CSMD1: variants seen among roughly 807,000 people sequenced by gnomAD.
CSMD1 encodes the protein CUB and Sushi multiple domains 1, also known as CUB and sushi domain-containing protein 1.
In CSMD1, 213 loss-of-function variants were observed where a neutral mutation model predicts 417.5. The ratio of observed to expected loss-of-function variants is 0.51; its 90% CI spans 0.46 to 0.57. The LOEUF (loss-of-function observed/expected upper bound fraction) is 0.57. CSMD1 is among the 20% of genes least tolerant of loss of function. The pLI, the probability that CSMD1 is intolerant of heterozygous loss-of-function variation, is 0.00. For synonymous variants in CSMD1, 2,862 were observed against 1,736.8 expected, an observed-to-expected ratio of 1.65 and a Z score of -16.11; for missense variants, 6,923 against 4,529.7, an observed-to-expected ratio of 1.53 and a Z score of -15.17.
At position 4,751,457 on chromosome 8, in the gene CSMD1, A is replaced by G. The variant is rs59807395; in HGVS notation, c.86-113899T>C. ...ATTAATTTGATTTCCTCAGTAGTTC[A>G]TTACCCTAAATAGCATAAAAAGTGT... On this transcript the variant is annotated intron_variant, in intron 1 of 69. Coordinates refer to ENST00000635120, the MANE Select transcript of CSMD1 (RefSeq NM_033225.6). Among the ~76,000 whole-genome samples the G allele has an allele frequency of 7.0e-3, 1,064 of 152,212 alleles. 12 individuals carry two copies. The highest frequency in any genetic ancestry group is 0.025 in the African/African-American group (1,031 of 41,548).
At chr8:3,291,445 C>G (rs1187143928) in intron 25 of CSMD1, among the ~76,000 whole-genome samples, 1 of 152,128 alleles carries the variant, frequency 6.6e-6, no homozygotes, top group Admixed American at 6.5e-5. Flanking sequence ...GACTGTGAAT[C>G]CATCTGGTCC....
At chr8:4,362,731 G>A (rs992641767) in intron 3 of CSMD1, among the ~76,000 whole-genome samples, 1 of 152,132 alleles carries the variant, frequency 6.6e-6, no homozygotes. Context: ...TCTTTACATT[G>A]TTGTGTAATC....
intron 49 of CSMD1, among the ~76,000 whole-genome samples, chr8:3,057,078 G>C (rs1329098780): frequency 6.6e-6 from 1 of 152,048 alleles, no homozygotes; most frequent in Non-Finnish European, 1.5e-5. Context: ...AGAAGAATAA[G>C]TGACTATACA....
intron 3 of CSMD1, among the ~76,000 whole-genome samples, chr8:4,147,165 C>G (rs972160208): frequency 6.6e-6 from 1 of 152,076 alleles, no homozygotes; most frequent in African/African-American, 2.4e-5. Flanking sequence ...CTACTCTCCC[C>G]CCCTGCCCCC....
At chr8:4,191,399 A>G (rs1284986511) in intron 3 of CSMD1, among the ~76,000 whole-genome samples, 1 of 151,068 alleles carries the variant, frequency 6.6e-6, no homozygotes, top group Non-Finnish European at 1.5e-5. Flanking sequence ...CTGTCTCAGA[A>G]AAAACAAAAA....
chr8:4,286,676 G>A (rs1470160816), intron 3 of CSMD1, among the ~76,000 whole-genome samples: 2 of 152,166 alleles, frequency 1.3e-5, no homozygotes, highest in Non-Finnish European at 2.9e-5. Flanking sequence ...TACTGATTTT[G>A]TAGGGCCACA....
intron 1 of CSMD1, among the ~76,000 whole-genome samples, chr8:4,698,382 G>C (rs528310351): frequency 3.9e-5 from 6 of 152,156 alleles, no homozygotes; most frequent in Non-Finnish European, 7.4e-5. Context: ...AGAGAAAGAA[G>C]GCAAAGGTTT....
chr8:3,912,899 T>A (rs1176543995), intron 5 of CSMD1, among the ~76,000 whole-genome samples: 1 of 152,166 alleles, frequency 6.6e-6, no homozygotes, highest in East Asian at 1.9e-4. Context: ...GAAGATCAAT[T>A]AATCAGCAGC....
At chr8:3,003,306 T>G (rs1049796542) in intron 52 of CSMD1, among the ~76,000 whole-genome samples, 1 of 152,238 alleles carries the variant, frequency 6.6e-6, no homozygotes, top group Admixed American at 6.5e-5. Flanking sequence ...AGTATTATTC[T>G]ATATGCTTTG....
intron 5 of CSMD1, among the ~76,000 whole-genome samples, chr8:3,773,242 C>A (rs574291622): frequency 6.6e-6 from 1 of 152,114 alleles, no homozygotes; most frequent in African/African-American, 2.4e-5. Flanking sequence ...GTGAAACTAG[C>A]TTGTGTTTTA....
rs188318348 is a variant in CSMD1, at chr8:4,874,531, G to C, written c.85+119801C>G. Reference sequence around the variant, plus strand: ...CAGCCTCCTGAGCAGCTGGGATTACGGGTGCCTGCCACCTCTCCCGGCTAA... The same window carrying C: ...CAGCCTCCTGAGCAGCTGGGATTACCGGTGCCTGCCACCTCTCCCGGCTAA... On this transcript the variant is annotated intron_variant, in intron 1 of 69. Coordinates refer to ENST00000635120, the MANE Select transcript of CSMD1 (RefSeq NM_033225.6). Among the ~76,000 whole-genome samples, 3 of 151,242 alleles carry C rather than the reference G, an allele frequency of 2.0e-5. No homozygotes were observed. In the East Asian group the frequency reaches 5.9e-4, roughly 30 times the overall value.
intron 2 of CSMD1, among the ~76,000 whole-genome samples, chr8:4,475,263 C>G (rs1171001547): frequency 1.3e-5 from 2 of 152,176 alleles, no homozygotes; most frequent in African/African-American, 2.4e-5. Flanking sequence ...CTCTCTCACT[C>G]CATTTCTATA....
At chr8:4,824,255 C>T (rs1470435353) in intron 1 of CSMD1, among the ~76,000 whole-genome samples, 1 of 151,962 alleles carries the variant, frequency 6.6e-6, no homozygotes, top group Admixed American at 6.6e-5. Flanking sequence ...GAGATCTCAA[C>T]AAGAAAATAC....
intron 3 of CSMD1, among the ~76,000 whole-genome samples, chr8:4,047,694 A>G (rs896689982): frequency 1.3e-5 from 2 of 152,164 alleles, no homozygotes; most frequent in African/African-American, 2.4e-5. Context: ...AAAAAAATAA[A>G]ATTTGTAATA....
chr8:4,280,174 T>G (rs1796701699), intron 3 of CSMD1, among the ~76,000 whole-genome samples: 1 of 152,198 alleles, frequency 6.6e-6, no homozygotes, highest in East Asian at 1.9e-4. Context: ...AAAAGAAGAT[T>G]TTACCATGGC....
At chr8:4,303,146 A>G (rs1027494979) in intron 3 of CSMD1, among the ~76,000 whole-genome samples, 3 of 152,168 alleles carry the variant, frequency 2.0e-5, no homozygotes, top group Non-Finnish European at 4.4e-5. Context: ...TAGGAACTAA[A>G]ACTTCCCTCA....
At chr8:4,720,633 T>C (rs1373299419) in intron 1 of CSMD1, among the ~76,000 whole-genome samples, 1 of 152,164 alleles carries the variant, frequency 6.6e-6, no homozygotes, top group African/African-American at 2.4e-5. Flanking sequence ...GCCAGGCTGC[T>C]CTCCTCTCGA....
At chr8:4,162,215 T>C (rs550348177) in intron 3 of CSMD1, among the ~76,000 whole-genome samples, 10 of 152,316 alleles carry the variant, frequency 6.6e-5, no homozygotes, top group Admixed American at 1.3e-4. Flanking sequence ...TGTCTTTTAA[T>C]TGTTATGTTA....
At chr8:4,045,956 A>T (rs951315856) in intron 3 of CSMD1, among the ~76,000 whole-genome samples, 32 of 152,150 alleles carry the variant, frequency 2.1e-4, no homozygotes, top group Non-Finnish European at 4.4e-5. Flanking sequence ...CATTCAAATC[A>T]AAGTATATTA....
Sources: gnomAD v4.1 joint callset for allele counts (sites outside exome capture counted in the v4.1 genomes callset) on GRCh38, gnomAD v4.1.1 for gene constraint, MANE v1.5 for transcripts, NCBI Gene and HGNC (gene_info 2026-07-23, HGNC 2026-07-21) for gene names.